Variants in EIF3H observed in about 807,000 individuals in gnomAD.
The protein encoded by EIF3H is eukaryotic translation initiation factor 3 subunit H, also known as eIF-3-gamma.
A neutral mutation model predicts 44.2 loss-of-function variants in EIF3H; 26 were observed. The ratio of observed to expected loss-of-function variants is 0.59; its 90% CI spans 0.43 to 0.82. EIF3H has a LOEUF of 0.82. Among genes scored for constraint, EIF3H ranks in the 40% least tolerant of loss-of-function variants. The pLI is 0.00. For missense variants in EIF3H, 359 were observed against 432.8 expected (o/e 0.83, Z 1.51); for synonymous variants, 166 against 151.9 (o/e 1.09, Z -0.68).
intron 2 of EIF3H, among the ~76,000 whole-genome samples, chr8:116,720,227 G>C (rs1814721856): frequency 6.6e-6 from 1 of 151,962 alleles, no homozygotes; most frequent in Admixed American, 6.5e-5. Context: ...ATTTACAATT[G>C]TTTGATTTAA....
chr8:116,647,805 T>C lies in EIF3H; in HGVS notation c.828+1001A>G, dbSNP rs745483029. Among the ~76,000 whole-genome samples the C allele has an allele frequency of 3.3e-5, 5 of 152,202 alleles. No homozygotes were observed. The East Asian group carries it at 9.6e-4, about 29-fold the overall frequency. ...TACTCATAGGAAACAAATATTCAAT[T>C]TGATACCCTGGATGAGTCCTTCACC... On this transcript the variant is annotated intron_variant, in intron 6 of 7. Transcript: ENST00000521861.
intron 1 of EIF3H, among the ~76,000 whole-genome samples, chr8:116,751,732 GAAT>G (rs1586495310): frequency 6.6e-6 from 1 of 152,174 alleles, no homozygotes; most frequent in South Asian, 2.1e-4. Flanking sequence ...ATACCTTAAA[GAAT>G]ACTACTATAA....
intron 1 of EIF3H, among the ~76,000 whole-genome samples, chr8:116,743,799 A>ATAT (rs1563659950): frequency 0.032 from 2,782 of 86,244 alleles, 72 homozygotes; most frequent in Middle Eastern, 0.065. Context: ...TATATATATA[A>ATAT]ACACACACAC....
chr8:116,717,668 A>G (rs1035438558), intron 2 of EIF3H, among the ~76,000 whole-genome samples: 1 of 152,212 alleles, frequency 6.6e-6, no homozygotes, highest in Non-Finnish European at 1.5e-5. Flanking sequence ...TATTCAACAA[A>G]TGGTGCTGAG....
intron 2 of EIF3H, among the ~76,000 whole-genome samples, chr8:116,723,577 A>G (rs1297887517): frequency 6.6e-6 from 1 of 152,248 alleles, no homozygotes; most frequent in Non-Finnish European, 1.5e-5. Context: ...AAGGTATTTC[A>G]CTTTAGCAAG....
chr8:116,673,726 C>G (rs897504233), intron 2 of EIF3H, among the ~76,000 whole-genome samples: 3 of 152,080 alleles, frequency 2.0e-5, no homozygotes, highest in Non-Finnish European at 4.4e-5. Context: ...TATGGAAAAG[C>G]AGGGTCAGAC....
intron 1 of EIF3H, among the ~76,000 whole-genome samples, chr8:116,750,602 G>A (rs1382581044): frequency 6.6e-6 from 1 of 151,620 alleles, no homozygotes; most frequent in Non-Finnish European, 1.5e-5. Context: ...GTAGAGACAG[G>A]GTTTCACCAT....
chr8:116,667,835 G>C (rs1033834698), intron 2 of EIF3H, among the ~76,000 whole-genome samples: 2 of 152,124 alleles, frequency 1.3e-5, no homozygotes, highest in African/African-American at 4.8e-5. Context: ...ATGAACTGGT[G>C]GTAGTCAACA....
intron 2 of EIF3H, among the ~76,000 whole-genome samples, chr8:116,705,289 T>C (rs1814449038): frequency 6.6e-6 from 1 of 152,190 alleles, no homozygotes; most frequent in African/African-American, 2.4e-5. Context: ...CAAGAATCAA[T>C]ATAAGGAGAA....
intron 1 of EIF3H, among the ~76,000 whole-genome samples, chr8:116,751,300 C>A (rs1332245920): frequency 1.3e-5 from 2 of 151,904 alleles, no homozygotes; most frequent in Non-Finnish European, 2.9e-5. Flanking sequence ...ATTAAAATAA[C>A]CTGCATAAGA....
intron 2 of EIF3H, among the ~76,000 whole-genome samples, chr8:116,681,313 G>A (rs1813985416): frequency 6.6e-6 from 1 of 152,086 alleles, no homozygotes; most frequent in South Asian, 2.1e-4. Context: ...AGTGAGCCGA[G>A]ATCAGGCCAC....
chr8:116,675,236 G>A (rs932211062), intron 2 of EIF3H, among the ~76,000 whole-genome samples: 1 of 152,108 alleles, frequency 6.6e-6, no homozygotes, highest in Admixed American at 6.5e-5. Flanking sequence ...ACCTATTTCA[G>A]ACATATGTCA....
intron 2 of EIF3H, among the ~76,000 whole-genome samples, chr8:116,678,427 G>A (rs1390897334): frequency 6.7e-6 from 1 of 150,326 alleles, no homozygotes; most frequent in Admixed American, 6.6e-5. Context: ...CGTCTGGGAA[G>A]TGAGGAGCGT....
chr8:116,739,347 T>C (rs2130955361), intron 1 of EIF3H, among the ~76,000 whole-genome samples: 1 of 152,334 alleles, frequency 6.6e-6, no homozygotes, highest in Non-Finnish European at 1.5e-5. Context: ...TATCACTGGC[T>C]TGCTGTCAAT....
At chr8:116,718,342 T>G (rs951981238) in intron 2 of EIF3H, among the ~76,000 whole-genome samples, 1 of 152,136 alleles carries the variant, frequency 6.6e-6, no homozygotes, top group African/African-American at 2.4e-5. Context: ...AGATCTACCA[T>G]TTGATCCAGC....
intron 1 of EIF3H, among the ~76,000 whole-genome samples, chr8:116,743,658 T>A (rs1181366718): frequency 6.7e-6 from 1 of 149,418 alleles, no homozygotes; most frequent in Non-Finnish European, 1.5e-5. Context: ...CTAGGGAGGC[T>A]AAGGTGGGAG....
intron 6 of EIF3H, 136 bp downstream of exon 6, chr8:116,648,670 A>C: frequency 9.3e-7 from 1 of 1,071,116 alleles, no homozygotes; most frequent in Non-Finnish European, 1.2e-6. Context: ...TAAAAATAAT[A>C]ATCTTTTAAA....
rs1563630351 is a variant in EIF3H at position 116,643,790 on chromosome 8, CTTTT to C, written c.*1212_*1215del. The stretch of plus-strand genomic sequence containing the variant: ...ACTCTCCTGATCTTTCACCCATCTC[CTTTT>C]TTGATAACCCTCCTAGGGGATCATA... On this transcript the variant is annotated 3_prime_UTR_variant, in exon 8 of 8. Transcript: ENST00000521861. The C allele has an allele frequency of 6.6e-6, 1 of 152,190 alleles. No individual in the cohort carries two copies. Among genetic ancestry groups the C allele is most frequent in the Non-Finnish European group, 1.5e-5 (1 of 68,034 alleles). 9.4% of individuals were successfully genotyped at this position (152,190 alleles called of 1,614,324 possible).
chr8:116,718,507 T>TGC (rs936288436), intron 2 of EIF3H, among the ~76,000 whole-genome samples: 3 of 150,504 alleles, frequency 2.0e-5, no homozygotes, highest in African/African-American at 7.5e-5. Context: ...GAAAATGTGT[T>TGC]GCATATATAT....
Sources: allele counts gnomAD v4.1 joint callset (sites outside exome capture counted in the v4.1 genomes callset), GRCh38; gene constraint gnomAD v4.1.1; transcripts MANE v1.5; gene names NCBI Gene and HGNC (gene_info 2026-07-23, HGNC 2026-07-21).